Variants in COL5A1 observed in about 807,000 individuals in gnomAD.
COL5A1 encodes the protein collagen type V alpha 1 chain.
In COL5A1, 16 loss-of-function variants were observed where a neutral mutation model predicts 263.7. The ratio of observed to expected loss-of-function variants is 0.06; its 90% CI spans 0.04 to 0.09. The LOEUF (loss-of-function observed/expected upper bound fraction) is 0.09. Ranked by LOEUF, COL5A1 falls within the 10% of genes least tolerant of loss-of-function variation. The pLI is 1.00. For missense variants in COL5A1, 2,036 were observed against 2,540.5 expected (o/e 0.80, Z 4.27); for synonymous variants, 1,012 against 1,004.5 (o/e 1.01, Z -0.14).
At chr9:134,770,246 T>C (rs573284496) in intron 25 of COL5A1, among the ~76,000 whole-genome samples, 1 of 152,364 alleles carries the variant, frequency 6.6e-6, no homozygotes, top group East Asian at 1.9e-4. Context: ...TTTTTTCTTG[T>C]TTTGGTTTTG....
intron 25 of COL5A1, among the ~76,000 whole-genome samples, chr9:134,770,243 T>C (rs954207942): frequency 6.6e-6 from 1 of 152,240 alleles, no homozygotes; most frequent in Non-Finnish European, 1.5e-5. Context: ...TCTTTTTTTC[T>C]TGTTTTGGTT....
At chr9:134,671,479 A>C (rs571236316) in intron 1 of COL5A1, among the ~76,000 whole-genome samples, 1 of 152,214 alleles carries the variant, frequency 6.6e-6, no homozygotes, top group Non-Finnish European at 1.5e-5. Flanking sequence ...CCGGGGAAGT[A>C]ATGTAAAATA....
intron 29 of COL5A1, 34 bp from the exon 30 acceptor site, chr9:134,784,955 G>A (rs200453376): frequency 6.7e-7 from 1 of 1,502,000 alleles, no homozygotes; most frequent in Non-Finnish European, 9.3e-7. Flanking sequence ...TGTGCGGGGG[G>A]TGGTCTTCTC....
At chr9:134,795,913 G>A (rs575662772) in intron 34 of COL5A1, among the ~76,000 whole-genome samples, 5 of 152,294 alleles carry the variant, frequency 3.3e-5, no homozygotes, top group Admixed American at 6.5e-5. Context: ...TCGGCTGACC[G>A]GAATGCACCC....
At chr9:134,798,592 G>A in intron 37 of COL5A1, 131 bp downstream of exon 37, 1 of 259,828 alleles carries the variant, frequency 3.8e-6, no homozygotes. Flanking sequence ...CCTCAGAAAG[G>A]CTCCCAAGGG....
chr9:134,813,870 G>C (rs1453638064), intron 48 of COL5A1, 113 bp from the exon 49 acceptor site: 6 of 1,180,586 alleles, frequency 5.1e-6, no homozygotes, highest in Non-Finnish European at 7.4e-6. Flanking sequence ...CCTGGGTCCT[G>C]GGTGCCCAGG....
intron 3 of COL5A1, 135 bp from the exon 4 acceptor site, chr9:134,701,036 G>A (rs1201434974): frequency 1.2e-6 from 1 of 860,822 alleles, no homozygotes; most frequent in East Asian, 2.6e-5. Context: ...CAGAGGCTGG[G>A]CCTTGATCTG....
intron 48 of COL5A1, 109 bp from the exon 49 acceptor site, chr9:134,813,874 G>A: frequency 1.6e-6 from 2 of 1,222,134 alleles, no homozygotes; most frequent in African/African-American, 1.5e-5. Context: ...GGTCCTGGGT[G>A]CCCAGGGGCA....
intron 60 of COL5A1, 116 bp downstream of exon 60, chr9:134,823,149 A>T (rs999891181): frequency 1.6e-6 from 2 of 1,272,940 alleles, no homozygotes; most frequent in African/African-American, 2.9e-5. Flanking sequence ...CCTGCTGCTC[A>T]CGATCCTCCC....
intron 4 of COL5A1, among the ~76,000 whole-genome samples, chr9:134,703,228 T>G (rs1293760994): frequency 6.6e-6 from 1 of 152,164 alleles, no homozygotes; most frequent in Non-Finnish European, 1.5e-5. Context: ...CACAGCCAGA[T>G]TTTGCAAGCT....
Position 134,652,552 on chromosome 9 carries a change from G to T in COL5A1, c.109+10256G>T, listed in dbSNP as rs768732680. 6.6e-6 allele frequency among the ~76,000 whole-genome samples: 1 copy of T among 152,268 alleles called. No homozygotes were observed. The highest frequency in any genetic ancestry group is 1.5e-5 in the Non-Finnish European group (1 of 68,004). Reference sequence around the variant, plus strand: ...GTTTTCTGATTGTCGCACCTGGGGTGGGGGCAGGGCTATCGGCCTGTAGTT... The same window carrying T: ...GTTTTCTGATTGTCGCACCTGGGGTTGGGGCAGGGCTATCGGCCTGTAGTT... On this transcript the variant is annotated intron_variant, in intron 1 of 65. Coordinates refer to ENST00000371817, the MANE Select transcript of COL5A1 (RefSeq NM_000093.5). This position sits in a 1 kb window ranked among gnomAD's most constrained non-coding sequence, Gnocchi z 4.4.
chr9:134,654,233 G>A (rs371164779), intron 1 of COL5A1, among the ~76,000 whole-genome samples: 2 of 143,330 alleles, frequency 1.4e-5, no homozygotes, highest in African/African-American at 2.6e-5. Flanking sequence ...AGGGCTGGAG[G>A]TGTGTAGGGC....
intron 1 of COL5A1, among the ~76,000 whole-genome samples, chr9:134,644,719 T>A (rs1291851494): frequency 6.6e-6 from 1 of 152,150 alleles, no homozygotes; most frequent in African/African-American, 2.4e-5. Flanking sequence ...GAATGAAAAG[T>A]AAGATTGCAT....
chr9:134,767,007 A>T lies in COL5A1; in HGVS notation c.2141A>T (p.Gln714Leu), dbSNP rs1209611928. The T allele has an allele frequency of 2.5e-6, 4 of 1,613,662 alleles. No individual in the cohort carries two copies. The highest frequency in any genetic ancestry group is 3.4e-6 in the Non-Finnish European group (4 of 1,179,902). Reference protein sequence around the residue: ...QPGPKGNVGPQGEPGPPGQQG... With the variant: ...QPGPKGNVGPLGEPGPPGQQG... The stretch of plus-strand genomic sequence containing the variant: ...TGCTCTTGTCTCCTGTAGGGTCCCC[A>T]GGGAGAGCCTGGCCCCCCAGGACAG... The change falls in exon 23 of 66, where the codon CAG becomes CTG. Residue 714 changes from glutamine (Q) to leucine (L), a missense_variant. Transcript: ENST00000371817.
rs183820435 is a variant in COL5A1 at position 134,644,983 on chromosome 9, C to T, written c.109+2687C>T. Reference sequence around the variant, plus strand: ...TTTCCATCCTCTGCCCCCTCCCTCCCTCTCCCCATAAAAGAGCAGTGAGTG... The same window carrying T: ...TTTCCATCCTCTGCCCCCTCCCTCCTTCTCCCCATAAAAGAGCAGTGAGTG... On this transcript the variant is annotated intron_variant, in intron 1 of 65. Transcript: ENST00000371817. 4.2e-3 allele frequency among the ~76,000 whole-genome samples: 647 copies of T among 152,294 alleles called. 33 individuals are homozygous for T. In the South Asian group the frequency reaches 0.094, roughly 22 times the overall value.
At position 134,772,813 on chromosome 9, in the gene COL5A1, T is replaced by A. The variant is rs377123592; in HGVS notation, c.2310T>A (p.Pro770=). 96 of 1,613,876 alleles carry A rather than the reference T, an allele frequency of 5.9e-5. 1 individual carries two copies. In the Middle Eastern group the frequency reaches 9.9e-4, roughly 17 times the overall value. ...AGGGACACCCTGGCAAAGAAGGCCC[T>A]CCAGGAGAGAAAGGAGGTCAGGTGG... ...GPPGHPGKEG[P]PGEKGGQGPP... is the part of the protein sequence containing the mutation. The change falls in exon 26 of 66, where the codon CCT becomes CCA. Residue 770 remains proline (P), a synonymous_variant. Coordinates refer to ENST00000371817, the MANE Select transcript of COL5A1 (RefSeq NM_000093.5).
In COL5A1 at chr9:134,753,963, A is replaced by G. The variant is rs539888013; in HGVS notation, c.1773+60A>G. On this transcript the variant is annotated intron_variant, in intron 15 of 65. Transcript: ENST00000371817. ...CGCCTCCCGTTCTCCGGCGGCAGCG[A>G]CGGCGAGCATGGAGGGACCCCAACT... 4.6e-5 allele frequency: 67 copies of G among 1,470,014 alleles called. No individual in the cohort carries two copies. In the African/African-American group the frequency reaches 8.3e-4, roughly 18 times the overall value. The allele number at this position is 1,470,014 out of a possible 1,614,324, so 91.1% of individuals were successfully genotyped here. A position where few individuals can be genotyped will look rare whatever the true frequency, so the allele number is the denominator to read the frequency against.
rs1398405732 is a variant in COL5A1, at chr9:134,765,476, C to T, written c.2035-205C>T. Among the ~76,000 whole-genome samples, 1 of 152,068 alleles carries T rather than the reference C, an allele frequency of 6.6e-6. No individual in the cohort carries two copies. Among genetic ancestry groups the T allele is most frequent in the African/African-American group, 2.4e-5 (1 of 41,418 alleles). On this transcript the variant is annotated intron_variant, in intron 20 of 65. Transcript: ENST00000371817. This position sits in a 1 kb window ranked among gnomAD's most constrained non-coding sequence, Gnocchi z 5.1. Reference sequence around the variant, plus strand: ...GTTCTCACCAATTCCAGACACCTGCCCCTGGTTCCCAACACCAGGGTGGGG... The same window carrying T: ...GTTCTCACCAATTCCAGACACCTGCTCCTGGTTCCCAACACCAGGGTGGGG...
chr9:134,782,763 T>C, intron 29 of COL5A1, 43 bp downstream of exon 29: 1 of 1,397,066 alleles, frequency 7.2e-7, no homozygotes, highest in East Asian at 2.4e-5. Flanking sequence ...GAAAGCTGGG[T>C]GGGCTTGGCC....
Sources: allele counts gnomAD v4.1 joint callset (sites outside exome capture counted in the v4.1 genomes callset), GRCh38; gene constraint gnomAD v4.1.1; non-coding constraint Gnocchi (gnomAD v3.1); transcripts MANE v1.5; gene names NCBI Gene and HGNC (gene_info 2026-07-23, HGNC 2026-07-21).